The following P4HTM variants were observed in gnomAD, a reference collection of about 807,000 sequenced individuals.
P4HTM encodes transmembrane prolyl 4-hydroxylase.
P4HTM carries 33 observed loss-of-function variants against 55.3 expected under a neutral mutation model. The ratio of observed to expected loss-of-function variants is 0.60; its 90% CI spans 0.45 to 0.80. The LOEUF (loss-of-function observed/expected upper bound fraction) is 0.80. P4HTM is among the 30% of genes least tolerant of loss of function. The pLI, the probability that P4HTM is intolerant of heterozygous loss-of-function variation, is 0.00. For missense variants in P4HTM, 542 were observed against 696.5 expected, an observed-to-expected ratio of 0.78 and a Z score of 2.50; for synonymous variants, 272 against 286.4, an observed-to-expected ratio of 0.95 and a Z score of 0.51.
chr3:49,003,793 G>T (rs2092968603), intron 4 of P4HTM: 1 of 310,152 alleles, frequency 3.2e-6, no homozygotes, highest in Non-Finnish European at 6.0e-6. Context: ...TGGCCATATG[G>T]CTCAAGCTTC....
rs745996767 is a variant in P4HTM at position 49,002,457 on chromosome 3, C to T, written c.628-43C>T. ...GGGCCATCTGTTCTCTGCTGGCTCTCCATCACTGGGGTCACCCACTGAGGG... is the reference window on the plus strand; with the variant it reads ...GGGCCATCTGTTCTCTGCTGGCTCTTCATCACTGGGGTCACCCACTGAGGG... On this transcript the variant is annotated intron_variant, in intron 3 of 8. Transcript: ENST00000383729. This position sits in a 1 kb window ranked among gnomAD's most constrained non-coding sequence, Gnocchi z 4.4. 2.1e-6 allele frequency: 3 copies of T among 1,402,584 alleles called. No individual in the cohort carries two copies. 86.9% of individuals were successfully genotyped at this position (1,402,584 alleles called of 1,614,324 possible). A position where few individuals can be genotyped will look rare whatever the true frequency, so the allele number is the denominator to read the frequency against.
At chr3:49,005,946 G>A (rs2092978216) in intron 7 of P4HTM, 79 bp downstream of exon 7, 3 of 1,540,044 alleles carry the variant, frequency 1.9e-6, no homozygotes, top group Non-Finnish European at 2.6e-6. Flanking sequence ...CCAGGTCTAA[G>A]GATGTGGGCC....
chr3:49,006,589 A>G, intron 8 of P4HTM, 98 bp from the exon 9 acceptor site: 1 of 919,902 alleles, frequency 1.1e-6, no homozygotes, highest in Non-Finnish European at 1.7e-6. Flanking sequence ...CTACACAAGG[A>G]ATGCATAGCT....
rs774344716 is a variant in P4HTM at position 49,006,083 on chromosome 3, T to G, written c.1184T>G (p.Val395Gly). 2 of 1,612,676 alleles carry G rather than the reference T, an allele frequency of 1.2e-6. No individual in the cohort carries two copies. Among genetic ancestry groups the G allele is most frequent in the Non-Finnish European group, 1.7e-6 (2 of 1,179,692 alleles). ...YDEMSLIQDDVDLRDTRRHCD... is the reference protein window; with the variant it reads ...YDEMSLIQDDGDLRDTRRHCD... Reference sequence around the variant, plus strand: ...CCACAGAGTCTGATTCAGGATGACGTGGACCTCCGTGACACACGGAGGCAC... The same window carrying G: ...CCACAGAGTCTGATTCAGGATGACGGGGACCTCCGTGACACACGGAGGCAC... The change falls in exon 8 of 9, where the codon GTG (valine) becomes GGG (glycine). Residue 395 changes from valine to glycine, a missense_variant. Physicochemically the swap from Val to Gly is moderately radical, Grantham distance 109 (BLOSUM62 -3). Around this residue, in one of 2 missense-constraint regions of P4HTM, gnomAD observed 536 missense variants for 672.1 expected, o/e 0.80. Transcript: ENST00000383729.
In P4HTM at chr3:48,990,625, G is replaced by C; in HGVS notation, c.354+15G>C. The C allele has an allele frequency of 6.5e-7, 1 of 1,535,116 alleles. No individual in the cohort carries two copies. The highest frequency in any genetic ancestry group is 8.8e-7 in the Non-Finnish European group (1 of 1,139,178). On this transcript the variant is annotated intron_variant, in intron 1 of 8. Transcript: ENST00000383729. This position sits in a 1 kb window ranked among gnomAD's most constrained non-coding sequence, Gnocchi z 7.2. ...AGGGCATCAAGGTGAGGACCTCCCT[G>C]CCCCGCCGCGCTCCAGGCCCTGCAC...
chr3:49,004,752 G>T, intron 5 of P4HTM, 109 bp from the exon 6 acceptor site: 1 of 1,110,420 alleles, frequency 9.0e-7, no homozygotes, highest in Non-Finnish European at 1.3e-6. Context: ...ACTTCCAGGG[G>T]AGGTGGGTAG....
intron 2 of P4HTM, among the ~76,000 whole-genome samples, chr3:48,993,387 A>G (rs562819923): frequency 8.6e-5 from 13 of 152,036 alleles, no homozygotes; most frequent in Non-Finnish European, 1.9e-4. Context: ...GGGTCCAGGA[A>G]GGAACTAATA....
rs2106663510 is a variant in P4HTM, at chr3:49,002,454, T to C, written c.628-46T>C. 1.5e-6 allele frequency: 2 copies of C among 1,360,820 alleles called. No individual in the cohort carries two copies. Among genetic ancestry groups the C allele is most frequent in the African/African-American group, 1.4e-5 (1 of 70,284 alleles). 84.3% of individuals were successfully genotyped at this position (1,360,820 alleles called of 1,614,324 possible). A position where few individuals can be genotyped will look rare whatever the true frequency, so the allele number is the denominator to read the frequency against. ...ACTGGGCCATCTGTTCTCTGCTGGC[T>C]CTCCATCACTGGGGTCACCCACTGA... is the stretch of plus-strand genomic sequence containing the variant. On this transcript the variant is annotated intron_variant, in intron 3 of 8. Transcript: ENST00000383729. The surrounding 1 kb of genome is among the most constrained non-coding windows in gnomAD (Gnocchi z 4.4).
rs1559892200 is a variant in P4HTM at position 49,005,766 on chromosome 3, C to T, written c.1074-11C>T. ...ACTGGGGACCTGCTCAGTGCCCCCC[C>T]TGCCTTACAGCTACATGACAGTGCT... is the stretch of plus-strand genomic sequence containing the variant. On this transcript the variant is annotated splice_polypyrimidine_tract_variant and intron_variant, in intron 6 of 8. Coordinates refer to ENST00000383729, the MANE Select transcript of P4HTM (RefSeq NM_177939.3). 2 of 1,596,366 alleles carry T rather than the reference C, an allele frequency of 1.3e-6. No homozygotes were observed. Among genetic ancestry groups the T allele is most frequent in the Admixed American group, 3.5e-5 (2 of 56,924 alleles).
intron 2 of P4HTM, among the ~76,000 whole-genome samples, chr3:48,993,417 A>G (rs2092936642): frequency 6.6e-6 from 1 of 152,148 alleles, no homozygotes; most frequent in Admixed American, 6.5e-5. Context: ...TTACTACTAC[A>G]CTACTAACGA....
At position 49,002,547 on chromosome 3, in the gene P4HTM, G is replaced by A. The variant is rs553669698; in HGVS notation, c.675G>A (p.Glu225=). ...GAAATGGATGGTGGATGACTCCAGAGAGCATTCAGGAGATGTACGCCGCGA... is the reference window on the plus strand; with the variant it reads ...GAAATGGATGGTGGATGACTCCAGAAAGCATTCAGGAGATGTACGCCGCGA... ...RLGNGWWMTP[E]SIQEMYAAIK... The change falls in exon 4 of 9, where the codon GAG becomes GAA. Residue 225 remains glutamate (E), a synonymous_variant. Transcript: ENST00000383729. The surrounding 1 kb of genome is among the most constrained non-coding windows in gnomAD (Gnocchi z 4.4). 3.7e-6 allele frequency: 6 copies of A among 1,614,140 alleles called. No individual in the cohort carries two copies. Among genetic ancestry groups the A allele is most frequent in the Non-Finnish European group, 5.1e-6 (6 of 1,179,990 alleles).
rs536071993 is a variant in P4HTM at position 48,990,723 on chromosome 3, G to T, written c.355-110G>T. On this transcript the variant is annotated intron_variant, in intron 1 of 8. Transcript: ENST00000383729. The surrounding 1 kb of genome is among the most constrained non-coding windows in gnomAD (Gnocchi z 7.2). The stretch of plus-strand genomic sequence containing the variant: ...CCCGGCGCTGCTCTGCGTCGGTCCC[G>T]CGCGCTCCCACTCACTCGCCTGCTG... The T allele has an allele frequency of 3.4e-6, 5 of 1,474,974 alleles. No homozygotes were observed. The highest frequency in any genetic ancestry group is 3.7e-6 in the Non-Finnish European group (4 of 1,092,966). 91.4% of individuals were successfully genotyped at this position (1,474,974 alleles called of 1,614,324 possible). A position where few individuals can be genotyped will look rare whatever the true frequency, so the allele number is the denominator to read the frequency against.
Position 49,005,772 on chromosome 3 carries a change from T to C in P4HTM, c.1074-5T>C, listed in dbSNP as rs1346698723. On this transcript the variant is annotated splice_polypyrimidine_tract_variant and splice_region_variant and intron_variant, in intron 6 of 8. Coordinates refer to ENST00000383729, the MANE Select transcript of P4HTM (RefSeq NM_177939.3). Reference sequence around the variant, plus strand: ...GACCTGCTCAGTGCCCCCCCTGCCTTACAGCTACATGACAGTGCTGTTTTA... The same window carrying C: ...GACCTGCTCAGTGCCCCCCCTGCCTCACAGCTACATGACAGTGCTGTTTTA... The C allele has an allele frequency of 1.3e-6, 2 of 1,597,910 alleles. No homozygotes were observed. The highest frequency in any genetic ancestry group is 1.7e-6 in the Non-Finnish European group (2 of 1,172,522).
chr3:49,004,818 A>G, intron 5 of P4HTM, 43 bp from the exon 6 acceptor site: 2 of 1,569,094 alleles, frequency 1.3e-6, no homozygotes, highest in Non-Finnish European at 1.7e-6. Context: ...TCAGATCACC[A>G]CCTTGCCTGG....
At chr3:48,995,589 T>A (rs2092943311) in intron 2 of P4HTM, among the ~76,000 whole-genome samples, 1 of 152,168 alleles carries the variant, frequency 6.6e-6, no homozygotes, top group South Asian at 2.1e-4. Flanking sequence ...TGCTGATTTT[T>A]TTTTTTCTTT....
Position 49,006,954 on chromosome 3 carries a change from A to G in P4HTM, c.*47A>G. On this transcript the variant is annotated 3_prime_UTR_variant, in exon 9 of 9. Transcript: ENST00000383729. ...CCAGCCGCGGGTCGCCAGTTGCCCAAGATCAGGGGTCCGGCTGTCCTTCTG... is the reference window on the plus strand; with the variant it reads ...CCAGCCGCGGGTCGCCAGTTGCCCAGGATCAGGGGTCCGGCTGTCCTTCTG... The G allele has an allele frequency of 6.8e-7, 1 of 1,467,938 alleles. No homozygotes were observed. The highest frequency in any genetic ancestry group is 9.4e-7 in the Non-Finnish European group (1 of 1,067,552). The allele number at this position is 1,467,938 out of a possible 1,614,324, so 90.9% of individuals were successfully genotyped here. A position where few individuals can be genotyped will look rare whatever the true frequency, so the allele number is the denominator to read the frequency against.
At chr3:49,006,657 C>A in intron 8 of P4HTM, 30 bp from the exon 9 acceptor site, 1 of 1,600,334 alleles carries the variant, frequency 6.2e-7, no homozygotes, top group Non-Finnish European at 8.6e-7. Context: ...CCAGCCCAGC[C>A]TAGGATCTCA....
chr3:48,998,557 G>A (rs533067839), intron 2 of P4HTM, among the ~76,000 whole-genome samples: 2 of 152,224 alleles, frequency 1.3e-5, no homozygotes, highest in East Asian at 3.9e-4. Flanking sequence ...CTTCACTCCC[G>A]CCCTCCCACT....
intron 2 of P4HTM, among the ~76,000 whole-genome samples, chr3:48,994,632 C>T (rs951068481): frequency 2.0e-5 from 3 of 152,122 alleles, no homozygotes; most frequent in African/African-American, 7.2e-5. Context: ...GCTGAGGGCA[C>T]CATCCTGTTC....
Sources: allele counts gnomAD v4.1 joint callset (sites outside exome capture counted in the v4.1 genomes callset), GRCh38; gene constraint gnomAD v4.1.1; regional missense constraint gnomAD v4.1.1; non-coding constraint Gnocchi (gnomAD v3.1); transcripts MANE v1.5; gene names NCBI Gene and HGNC (gene_info 2026-07-23, HGNC 2026-07-21).